Variants in CACNB4 observed in about 807,000 individuals in gnomAD.
CACNB4 encodes the protein voltage-dependent L-type calcium channel subunit beta-4.
CACNB4 carries 32 observed loss-of-function variants against 71.2 expected under a neutral mutation model. The ratio of observed to expected loss-of-function variants is 0.45; its 90% confidence interval spans 0.34 to 0.60. CACNB4 has a LOEUF of 0.60. Ranked by LOEUF, CACNB4 falls within the 20% of genes least tolerant of loss-of-function variation. The pLI is 0.01. For synonymous variants in CACNB4, 231 were observed against 236.9 expected (o/e 0.97, Z 0.23); for missense variants, 464 against 647.9 (o/e 0.72, Z 3.08).
In CACNB4 at chr2:151,833,953, G is replaced by GAATT. The variant is rs2099834345; in HGVS notation, c.*5165_*5166insAATT. The GAATT allele has an allele frequency of 1.3e-5, 2 of 151,948 alleles. No individual in the cohort carries two copies. Among genetic ancestry groups the GAATT allele is most frequent in the South Asian group, 4.1e-4 (2 of 4,834 alleles). The allele number at this position is 151,948 out of a possible 1,614,324, so 9.4% of individuals were successfully genotyped here. On this transcript the variant is annotated 3_prime_UTR_variant, in exon 14 of 14. Coordinates refer to ENST00000539935, the MANE Select transcript of CACNB4 (RefSeq NM_000726.5). ...AATAACATCCCAGAAAATATTGTAAGGCATATGAAAAATAGTATGCAACGA... is the reference window on the plus strand; with the variant it reads ...AATAACATCCCAGAAAATATTGTAAGAATTGCATATGAAAAATAGTATGCAACGA...
chr2:151,873,466 G>A (rs1226299204), intron 5 of CACNB4: 1 of 152,172 alleles, frequency 6.6e-6, no homozygotes, highest in African/African-American at 2.4e-5. Flanking sequence ...CAGCTTTTCA[G>A]ATTATGGATG....
At chr2:151,977,673 G>A (rs1456765735) in intron 2 of CACNB4, among the ~76,000 whole-genome samples, 1 of 152,128 alleles carries the variant, frequency 6.6e-6, no homozygotes, top group Non-Finnish European at 1.5e-5. Context: ...AGACAAACTG[G>A]TGCAGATTTA....
intron 2 of CACNB4, among the ~76,000 whole-genome samples, chr2:151,990,638 A>T (rs1296845478): frequency 6.6e-6 from 1 of 152,208 alleles, no homozygotes; most frequent in Admixed American, 6.5e-5. Context: ...AAATTCTGGG[A>T]TTAATCTCAT....
At chr2:151,998,610 G>A (rs1409814987) in intron 2 of CACNB4, among the ~76,000 whole-genome samples, 5 of 152,124 alleles carry the variant, frequency 3.3e-5, no homozygotes, top group Admixed American at 6.5e-5. Flanking sequence ...AGAAATCCAC[G>A]GTGCTTATTA....
chr2:152,052,695 G>A (rs1005449913), intron 2 of CACNB4, among the ~76,000 whole-genome samples: 1 of 152,100 alleles, frequency 6.6e-6, no homozygotes, highest in Non-Finnish European at 1.5e-5. Context: ...AATACCATAT[G>A]TGGGCCAGGA....
chr2:152,062,386 T>C (rs1190932975), intron 2 of CACNB4, among the ~76,000 whole-genome samples: 2 of 152,200 alleles, frequency 1.3e-5, no homozygotes, highest in South Asian at 2.1e-4. Context: ...CTGACCACTC[T>C]TCTAAATCAT....
intron 2 of CACNB4, among the ~76,000 whole-genome samples, chr2:151,979,196 G>C (rs902827368): frequency 2.6e-5 from 4 of 152,136 alleles, no homozygotes; most frequent in African/African-American, 9.7e-5. Context: ...AAGAACAGCA[G>C]AGAGAAACAA....
At chr2:151,909,953 G>T (rs911408217) in intron 2 of CACNB4, among the ~76,000 whole-genome samples, 1 of 152,128 alleles carries the variant, frequency 6.6e-6, no homozygotes, top group African/African-American at 2.4e-5. Flanking sequence ...TTGAGGAATC[G>T]CCATACTGTC....
intron 2 of CACNB4, among the ~76,000 whole-genome samples, chr2:151,887,608 G>A (rs2099849685): frequency 6.6e-6 from 1 of 152,178 alleles, no homozygotes; most frequent in Admixed American, 6.5e-5. Flanking sequence ...CATTCACACA[G>A]AGAGGGTGCA....
chr2:152,049,994 A>G (rs1189652813), intron 2 of CACNB4, among the ~76,000 whole-genome samples: 1 of 152,246 alleles, frequency 6.6e-6, no homozygotes, highest in African/African-American at 2.4e-5. Context: ...GAGATGGGAC[A>G]CCCAAATGTT....
At chr2:152,008,700 T>C (rs192849162) in intron 2 of CACNB4, among the ~76,000 whole-genome samples, 1 of 152,308 alleles carries the variant, frequency 6.6e-6, no homozygotes, top group East Asian at 1.9e-4. Context: ...CTGGCCCCCT[T>C]GCTCTCACTG....
chr2:152,062,666 C>A (rs1686084445), intron 2 of CACNB4, among the ~76,000 whole-genome samples: 1 of 152,168 alleles, frequency 6.6e-6, no homozygotes, highest in African/African-American at 2.4e-5. Context: ...GGCTCTCTTT[C>A]CACCAGCTTT....
At chr2:152,011,690 C>G (rs1458066411) in intron 2 of CACNB4, among the ~76,000 whole-genome samples, 1 of 152,202 alleles carries the variant, frequency 6.6e-6, no homozygotes, top group African/African-American at 2.4e-5. Context: ...TGGTCTGAGA[C>G]AGTCCCTTGC....
intron 2 of CACNB4, among the ~76,000 whole-genome samples, chr2:151,890,012 A>T (rs2099850335): frequency 6.6e-6 from 1 of 152,178 alleles, no homozygotes; most frequent in Non-Finnish European, 1.5e-5. Flanking sequence ...CCTCACCCTC[A>T]TGAGTTTTTT....
intron 2 of CACNB4, among the ~76,000 whole-genome samples, chr2:152,009,103 A>C (rs1257373541): frequency 6.6e-6 from 1 of 151,438 alleles, no homozygotes; most frequent in Non-Finnish European, 1.5e-5. Flanking sequence ...AGGTGGGAGG[A>C]TCGCTTGAGC....
At chr2:151,895,094 C>CCA (rs760751873) in intron 2 of CACNB4, among the ~76,000 whole-genome samples, 1 of 132,742 alleles carries the variant, frequency 7.5e-6, no homozygotes, top group Non-Finnish European at 1.6e-5. Flanking sequence ...ACTCAAATAG[C>CCA]CCCACACACA....
chr2:152,073,827 C>T (rs982572012), intron 2 of CACNB4, among the ~76,000 whole-genome samples: 13 of 152,140 alleles, frequency 8.5e-5, no homozygotes, highest in Admixed American at 4.6e-4. Context: ...TAGCATTAAA[C>T]GCTCTTATTT....
At chr2:151,900,076 C>T (rs528718305) in intron 2 of CACNB4, among the ~76,000 whole-genome samples, 7 of 152,182 alleles carry the variant, frequency 4.6e-5, no homozygotes, top group African/African-American at 1.7e-4. Flanking sequence ...TCAGGAATGG[C>T]AGACAGCAAA....
At chr2:152,026,748 T>C (rs2105159964) in intron 2 of CACNB4, among the ~76,000 whole-genome samples, 1 of 152,200 alleles carries the variant, frequency 6.6e-6, no homozygotes, top group South Asian at 2.1e-4. Flanking sequence ...CTTCAATCTT[T>C]CCATTCTCTC....
Sources: allele counts gnomAD v4.1 joint callset (sites outside exome capture counted in the v4.1 genomes callset), GRCh38; gene constraint gnomAD v4.1.1; transcripts MANE v1.5; gene names NCBI Gene and HGNC (gene_info 2026-07-23, HGNC 2026-07-21).